Variants in PLEKHG3 observed in about 807,000 individuals in gnomAD.
PLEKHG3 encodes the protein pleckstrin homology domain-containing family G member 3.
PLEKHG3 carries 62 observed loss-of-function variants against 94.9 expected under a neutral mutation model. The ratio of observed to expected loss-of-function variants is 0.65; its 90% confidence interval spans 0.53 to 0.81. The LOEUF (loss-of-function observed/expected upper bound fraction) is 0.81. PLEKHG3 is among the 30% of genes least tolerant of loss of function. The pLI is 0.00. For missense variants in PLEKHG3, 1,461 were observed against 1,619.3 expected (o/e 0.90, Z 1.68); for synonymous variants, 614 against 654.0 (o/e 0.94, Z 0.93).
At chr14:64,733,009 C>A in intron 12 of PLEKHG3, 108 bp downstream of exon 12, 1 of 705,520 alleles carries the variant, frequency 1.4e-6, no homozygotes, top group Non-Finnish European at 2.5e-6. Context: ...CTGCGGAAAC[C>A]CTGGGAAAGG....
rs778015259 is a variant in PLEKHG3, at chr14:64,727,332, GT to G, written c.-39-259del. On this transcript the variant is annotated intron_variant, in intron 1 of 16. Coordinates refer to ENST00000247226, the MANE Select transcript of PLEKHG3 (RefSeq NM_001308147.2). This position sits in a 1 kb window ranked among gnomAD's most constrained non-coding sequence, Gnocchi z 6.0. Reference sequence around the variant, plus strand: ...GATTCAGTTTTGTTTTGTTAATTGTGTTAAATGTAAATACACATAACATAAA... The same window carrying G: ...GATTCAGTTTTGTTTTGTTAATTGTGTAAATGTAAATACACATAACATAAA... Among the ~76,000 whole-genome samples, 1 of 152,268 alleles carries G rather than the reference GT, an allele frequency of 6.6e-6. No homozygotes were observed. The highest frequency in any genetic ancestry group is 1.5e-5 in the Non-Finnish European group (1 of 68,004).
chr14:64,706,272 A>G (rs2080969441), intron 1 of PLEKHG3, among the ~76,000 whole-genome samples: 1 of 152,120 alleles, frequency 6.6e-6, no homozygotes, highest in African/African-American at 2.4e-5. Flanking sequence ...GGATTAGCCT[A>G]CTTCATTTAC....
rs1480566730 is a variant in PLEKHG3, at chr14:64,731,375, C to T, written c.864C>T (p.Leu288=). The part of the protein sequence containing the change: ...HAVRLQEIQS[L]LINWKGPDLT... ...CTCTGCTGCAGGAGATTCAGTCACT[C>T]CTCATCAACTGGAAGGGGCCCGACC... Residue 288 remains leucine, a synonymous_variant, in exon 8 of 17, where the codon CTC becomes CTT. Coordinates refer to ENST00000247226, the MANE Select transcript of PLEKHG3 (RefSeq NM_001308147.2). The surrounding 1 kb of genome is among the most constrained non-coding windows in gnomAD (Gnocchi z 6.1). 2 of 1,613,630 alleles carry T rather than the reference C, an allele frequency of 1.2e-6. No homozygotes were observed. The highest frequency in any genetic ancestry group is 2.2e-5 in the East Asian group (1 of 44,862).
chr14:64,712,000 T>C (rs922450768), intron 1 of PLEKHG3, among the ~76,000 whole-genome samples: 1 of 152,248 alleles, frequency 6.6e-6, no homozygotes, highest in Non-Finnish European at 1.5e-5. Flanking sequence ...TGACCCATTT[T>C]GACTTTTTTG....
chr14:64,740,168 T>C (rs1319276550), intron 15 of PLEKHG3, among the ~76,000 whole-genome samples: 1 of 152,140 alleles, frequency 6.6e-6, no homozygotes, highest in Non-Finnish European at 1.5e-5. Flanking sequence ...TTTCGGGTGC[T>C]CAGAAAGCCA....
chr14:64,727,536 T>C lies in PLEKHG3; in HGVS notation c.-39-57T>C. 1 of 380,752 alleles carries C rather than the reference T, an allele frequency of 2.6e-6. No individual in the cohort carries two copies. Among genetic ancestry groups the C allele is most frequent in the South Asian group, 2.1e-5 (1 of 48,332 alleles). 23.6% of individuals were successfully genotyped at this position (380,752 alleles called of 1,614,324 possible). ...CCCCCACCCCTGGCAACCGTCCCTC[T>C]GTTCTGTTTCTGTGGGCATTCAGAG... On this transcript the variant is annotated intron_variant, in intron 1 of 16. Transcript: ENST00000247226. This position sits in a 1 kb window ranked among gnomAD's most constrained non-coding sequence, Gnocchi z 6.0.
chr14:64,710,877 G>A (rs931455282), intron 1 of PLEKHG3, among the ~76,000 whole-genome samples: 4 of 151,968 alleles, frequency 2.6e-5, no homozygotes, highest in African/African-American at 9.6e-5. Context: ...GGTGTCTGGG[G>A]ATCATCAGTT....
rs548007078 is a variant in PLEKHG3, at chr14:64,721,899, A to G, written c.-39-5694A>G. ...CCAGAGTGGTGCCGAGCTGTGGGTA[A>G]GAGCACAGCCGAGGGATTTCACCAT... is the stretch of plus-strand genomic sequence containing the variant. On this transcript the variant is annotated intron_variant, in intron 1 of 16. Coordinates refer to ENST00000247226, the MANE Select transcript of PLEKHG3 (RefSeq NM_001308147.2). The surrounding 1 kb of genome is among the most constrained non-coding windows in gnomAD (Gnocchi z 4.3). 2.6e-4 allele frequency among the ~76,000 whole-genome samples: 39 copies of G among 152,354 alleles called. No homozygotes were observed. Among genetic ancestry groups the G allele is most frequent in the Middle Eastern group, 3.4e-3 (1 of 294 alleles).
rs1221969276 is a variant in PLEKHG3 at position 64,738,250 on chromosome 14, C to A, written c.1405-492C>A. 5.2e-5 allele frequency: 66 copies of A among 1,265,630 alleles called. No individual in the cohort carries two copies. The highest frequency in any genetic ancestry group is 6.6e-5 in the Non-Finnish European group (64 of 969,016). 78.4% of individuals were successfully genotyped at this position (1,265,630 alleles called of 1,614,324 possible). The stretch of plus-strand genomic sequence containing the variant: ...GTGAGGTGTCTCTTCGATCTCCCCT[C>A]CTCCTTGCATGCTCCCTGGGATGTG... On this transcript the variant is annotated intron_variant, in intron 14 of 16. Transcript: ENST00000247226. This position sits in a 1 kb window ranked among gnomAD's most constrained non-coding sequence, Gnocchi z 4.8.
At chr14:64,742,545 T>C in intron 16 of PLEKHG3, 90 bp downstream of exon 16, 1 of 953,408 alleles carries the variant, frequency 1.0e-6, no homozygotes, top group Non-Finnish European at 1.5e-6. Context: ...GAAAGTGACC[T>C]CTAAGGAGGC....
In PLEKHG3 at chr14:64,725,159, C is replaced by T. The variant is rs2139376304; in HGVS notation, c.-39-2434C>T. 6.6e-6 allele frequency among the ~76,000 whole-genome samples: 1 copy of T among 152,262 alleles called. No individual in the cohort carries two copies. The highest frequency in any genetic ancestry group is 2.4e-5 in the African/African-American group (1 of 41,552). On this transcript the variant is annotated intron_variant, in intron 1 of 16. Coordinates refer to ENST00000247226, the MANE Select transcript of PLEKHG3 (RefSeq NM_001308147.2). The surrounding 1 kb of genome is among the most constrained non-coding windows in gnomAD (Gnocchi z 5.0). ...CCCCAGAGAGGGACCCTCAAAAGGTCCCTTTTAGAGACAAATCTCCCTAAT... is the reference window on the plus strand; with the variant it reads ...CCCCAGAGAGGGACCCTCAAAAGGTTCCTTTTAGAGACAAATCTCCCTAAT...
Position 64,721,350 on chromosome 14 carries a change from T to C in PLEKHG3, c.-39-6243T>C, listed in dbSNP as rs1254270192. 6.6e-6 allele frequency among the ~76,000 whole-genome samples: 1 copy of C among 152,076 alleles called. No individual in the cohort carries two copies. The highest frequency in any genetic ancestry group is 1.5e-5 in the Non-Finnish European group (1 of 68,006). Reference sequence around the variant, plus strand: ...GCTAGGTGCCTGGCTTTCCTTTCCTTCCAAGGTCAGGCCGAGGGAACTTTC... The same window carrying C: ...GCTAGGTGCCTGGCTTTCCTTTCCTCCCAAGGTCAGGCCGAGGGAACTTTC... On this transcript the variant is annotated intron_variant, in intron 1 of 16. Transcript: ENST00000247226. The surrounding 1 kb of genome is among the most constrained non-coding windows in gnomAD (Gnocchi z 4.3).
At position 64,743,389 on chromosome 14, in the gene PLEKHG3, C is replaced by T; in HGVS notation, c.3346C>T (p.Pro1116Ser). 1.2e-6 allele frequency: 2 copies of T among 1,609,228 alleles called. No individual in the cohort carries two copies. The highest frequency in any genetic ancestry group is 1.7e-6 in the Non-Finnish European group (2 of 1,177,408). The change falls in exon 17 of 17, where the codon CCT becomes TCT. Residue 1116 changes from proline to serine, a missense_variant. By Grantham distance (74) the Pro-to-Ser change is moderately conservative. Around this residue, in one of 3 missense-constraint regions of PLEKHG3, gnomAD observed 1,201 missense variants for 1,295.5 expected, o/e 0.93. Coordinates refer to ENST00000247226, the MANE Select transcript of PLEKHG3 (RefSeq NM_001308147.2). This position sits in a 1 kb window ranked among gnomAD's most constrained non-coding sequence, Gnocchi z 7.2. The stretch of plus-strand genomic sequence containing the variant: ...GGGAGGCGGAGAGGCTGCCCAATCC[C>T]CTGGGCCTCTGCCCCAGAGCAAGCC... ...GRGGGEAAQS[P>S]GPLPQSKPDG...
Position 64,727,868 on chromosome 14 carries a change from C to T in PLEKHG3, c.237C>T (p.Asn79=), listed in dbSNP as rs769762959. The part of the protein sequence containing the change: ...LNVKGPLSPF[N]SRAAAGPAHH... ...TGAAGGGGCCCCTCTCCCCGTTCAA[C>T]AGCCGGGCAGCGGCAGGGCCTGCAC... The change falls in exon 2 of 17, where the codon AAC becomes AAT. Residue 79 remains asparagine, a synonymous_variant. Transcript: ENST00000247226. This position sits in a 1 kb window ranked among gnomAD's most constrained non-coding sequence, Gnocchi z 6.0. The T allele has an allele frequency of 7.4e-6, 12 of 1,613,230 alleles. No homozygotes were observed. Among genetic ancestry groups the T allele is most frequent in the Non-Finnish European group, 1.0e-5 (12 of 1,179,560 alleles).
intron 12 of PLEKHG3, among the ~76,000 whole-genome samples, chr14:64,734,895 T>G (rs1032105212): frequency 6.6e-6 from 1 of 152,006 alleles, no homozygotes; most frequent in African/African-American, 2.4e-5. Context: ...TAGTTTTTTT[T>G]TTGTATTTTT....
chr14:64,734,232 C>G (rs1008667340), intron 12 of PLEKHG3, among the ~76,000 whole-genome samples: 1 of 152,158 alleles, frequency 6.6e-6, no homozygotes, highest in African/African-American at 2.4e-5. Context: ...TAGTTAAAAG[C>G]TCCAAATAGG....
At chr14:64,736,996 A>T in intron 13 of PLEKHG3, 105 bp downstream of exon 13, 1 of 868,596 alleles carries the variant, frequency 1.2e-6, no homozygotes, top group Non-Finnish European at 2.0e-6. Context: ...GAGGATTGTC[A>T]GAATAGTGTA....
rs747473726 is a variant in PLEKHG3 at position 64,730,960 on chromosome 14, G to A, written c.717+11G>A. 42 of 1,612,988 alleles carry A rather than the reference G, an allele frequency of 2.6e-5. No individual in the cohort carries two copies. The highest frequency in any genetic ancestry group is 2.2e-4 in the East Asian group (10 of 44,890). On this transcript the variant is annotated intron_variant, in intron 6 of 16. Transcript: ENST00000247226. This position sits in a 1 kb window ranked among gnomAD's most constrained non-coding sequence, Gnocchi z 5.4. ...CACCTGCTGCTCCAGGTAGCCCCTC[G>A]GTCCTCCCAAGCACCTAGGGCCTGG...
rs990321279 is a variant in PLEKHG3 at position 64,722,638 on chromosome 14, G to A, written c.-39-4955G>A. Among the ~76,000 whole-genome samples, 3 of 152,198 alleles carry A rather than the reference G, an allele frequency of 2.0e-5. No individual in the cohort carries two copies. Among genetic ancestry groups the A allele is most frequent in the African/African-American group, 7.2e-5 (3 of 41,446 alleles). On this transcript the variant is annotated intron_variant, in intron 1 of 16. Coordinates refer to ENST00000247226, the MANE Select transcript of PLEKHG3 (RefSeq NM_001308147.2). This position sits in a 1 kb window ranked among gnomAD's most constrained non-coding sequence, Gnocchi z 4.3. ...TTCTGCCTGGCTCCAAAGCAGCTGT[G>A]GTGCGGTGTGGCTTCTCATTCTTGA...
Sources: allele counts gnomAD v4.1 joint callset (sites outside exome capture counted in the v4.1 genomes callset), GRCh38; gene constraint gnomAD v4.1.1; regional missense constraint gnomAD v4.1.1; non-coding constraint Gnocchi (gnomAD v3.1); transcripts MANE v1.5; gene names NCBI Gene and HGNC (gene_info 2026-07-23, HGNC 2026-07-21).